The following VTI1B variants were observed in gnomAD, a reference collection of about 807,000 sequenced individuals.
The protein encoded by VTI1B is vesicle transport through interaction with t-SNAREs 1B.
In VTI1B, 18 loss-of-function variants were observed where a neutral mutation model predicts 28.6. The ratio of observed to expected loss-of-function variants is 0.63; its 90% CI spans 0.43 to 0.93. VTI1B has a LOEUF of 0.93. Ranked by LOEUF, VTI1B falls within the 40% of genes least tolerant of loss-of-function variation. The pLI is 0.00. For synonymous variants in VTI1B, 100 were observed against 107.9 expected (o/e 0.93, Z 0.46); for missense variants, 283 against 297.0 (o/e 0.95, Z 0.35).
chr14:67,659,648 T>G, intron 3 of VTI1B, 83 bp downstream of exon 3: 2 of 1,387,370 alleles, frequency 1.4e-6, no homozygotes, highest in Non-Finnish European at 1.9e-6. Context: ...ACTGATAACA[T>G]GAAATACCCC....
chr14:67,674,298 G>A (rs2037505795), intron 1 of VTI1B, 77 bp downstream of exon 1: 1 of 1,356,938 alleles, frequency 7.4e-7, no homozygotes, highest in Non-Finnish European at 9.9e-7. Context: ...GCCCGGGTCT[G>A]GGAGGAAGGT....
At chr14:67,669,331 G>A (rs2037438922) in intron 1 of VTI1B, among the ~76,000 whole-genome samples, 1 of 146,424 alleles carries the variant, frequency 6.8e-6, no homozygotes, top group South Asian at 2.2e-4. Flanking sequence ...GTGCAATGAT[G>A]TGATGACAGC....
chr14:67,651,307 G>C lies in VTI1B; in HGVS notation c.*78C>G. 5 of 1,607,870 alleles carry C rather than the reference G, an allele frequency of 3.1e-6. No individual in the cohort carries two copies. The highest frequency in any genetic ancestry group is 4.2e-6 in the Non-Finnish European group (5 of 1,176,762). ...AACTGTCAGCCCACAGCAGCAATAT[G>C]CTTATTCTATCCACATCCCTAACAT... On this transcript the variant is annotated 3_prime_UTR_variant, in exon 6 of 6. Coordinates refer to ENST00000554659, the MANE Select transcript of VTI1B (RefSeq NM_006370.3).
chr14:67,654,222 T>A (rs745566944), intron 4 of VTI1B, among the ~76,000 whole-genome samples: 3 of 152,140 alleles, frequency 2.0e-5, no homozygotes, highest in Non-Finnish European at 4.4e-5. Flanking sequence ...TAACCCCACA[T>A]GTCCCCAAGT....
At chr14:67,656,699 T>A in intron 3 of VTI1B, 110 bp from the exon 4 acceptor site, 1 of 1,225,514 alleles carries the variant, frequency 8.2e-7, no homozygotes. Flanking sequence ...AGCAATAATT[T>A]TCATTCCTTT....
At chr14:67,655,765 T>A (rs928185754) in intron 4 of VTI1B, among the ~76,000 whole-genome samples, 3 of 152,232 alleles carry the variant, frequency 2.0e-5, no homozygotes, top group African/African-American at 7.2e-5. Context: ...CCTTTTGACA[T>A]ATTATTTCTC....
intron 1 of VTI1B, among the ~76,000 whole-genome samples, chr14:67,668,915 G>A (rs955010678): frequency 3.3e-5 from 5 of 152,098 alleles, no homozygotes; most frequent in Non-Finnish European, 7.4e-5. Context: ...TATCATAAAT[G>A]TGGAAAGTGT....
intron 1 of VTI1B, 53 bp from the exon 2 acceptor site, chr14:67,662,588 A>G (rs2037351471): frequency 1.3e-6 from 2 of 1,500,774 alleles, no homozygotes; most frequent in Non-Finnish European, 1.8e-6. Flanking sequence ...ACACATTTGT[A>G]AAGGCCATTC....
chr14:67,659,713 A>C lies in VTI1B; in HGVS notation c.366+18T>G. On this transcript the variant is annotated intron_variant, in intron 3 of 5. Coordinates refer to ENST00000554659, the MANE Select transcript of VTI1B (RefSeq NM_006370.3). ...CCCTTAAAGGAAAAAAAAAACAAAC[A>C]AAACAGCTAAAACTTACCATATGCT... The C allele has an allele frequency of 1.3e-6, 2 of 1,572,372 alleles. No homozygotes were observed. The highest frequency in any genetic ancestry group is 8.6e-7 in the Non-Finnish European group (1 of 1,163,598).
Position 67,648,342 on chromosome 14 carries a change from G to A in VTI1B, c.*3043C>T, listed in dbSNP as rs2037128396. 1 of 756,314 alleles carries A rather than the reference G, an allele frequency of 1.3e-6. No individual in the cohort carries two copies. Among genetic ancestry groups the A allele is most frequent in the East Asian group, 2.8e-5 (1 of 35,716 alleles). The allele number at this position is 756,314 out of a possible 1,614,324, so 46.9% of individuals were successfully genotyped here. Reference sequence around the variant, plus strand: ...ATTATATGGCCATGCTAATAAAAAGGATATAGTCCTTTAGAGTCATGCTTG... The same window carrying A: ...ATTATATGGCCATGCTAATAAAAAGAATATAGTCCTTTAGAGTCATGCTTG... On this transcript the variant is annotated 3_prime_UTR_variant, in exon 6 of 6. Coordinates refer to ENST00000554659, the MANE Select transcript of VTI1B (RefSeq NM_006370.3).
intron 4 of VTI1B, among the ~76,000 whole-genome samples, chr14:67,655,636 C>T (rs779835796): frequency 1.3e-5 from 2 of 151,694 alleles, no homozygotes; most frequent in African/African-American, 4.9e-5. Flanking sequence ...ATCTGGAAAA[C>T]AGCCTTGGCT....
At chr14:67,661,437 C>A in intron 2 of VTI1B, among the ~76,000 whole-genome samples, 1 of 151,646 alleles carries the variant, frequency 6.6e-6, no homozygotes, top group East Asian at 1.9e-4. Context: ...AACTCCAGCT[C>A]CTATGTTGTC....
chr14:67,660,059 G>A (rs929425717), intron 2 of VTI1B, 137 bp from the exon 3 acceptor site: 2 of 894,902 alleles, frequency 2.2e-6, no homozygotes, highest in Admixed American at 3.0e-5. Flanking sequence ...CATGAGGCAG[G>A]GACCATGTCT....
rs761426854 is a variant in VTI1B, at chr14:67,674,358, GC to G, written c.115+16del. ...GCAGGGCTGCGCTCCCCACGGCGTG[GC>G]CCACCCCCGCCTCACCGGTCCCCGC... On this transcript the variant is annotated intron_variant, in intron 1 of 5. Transcript: ENST00000554659. 3.8e-6 allele frequency: 6 copies of G among 1,572,324 alleles called. No individual in the cohort carries two copies. In the African/African-American group the frequency reaches 6.9e-5, roughly 18 times the overall value.
At position 67,667,710 on chromosome 14, in the gene VTI1B, C is replaced by T. The variant is rs371953132; in HGVS notation, c.116-5175G>A. On this transcript the variant is annotated intron_variant, in intron 1 of 5. Coordinates refer to ENST00000554659, the MANE Select transcript of VTI1B (RefSeq NM_006370.3). ...CTGTAATCCCTGCACTTTGGGAGGC[C>T]GAGGCGGGCGGATCACGAGGTCAGG... Among the ~76,000 whole-genome samples, 47 of 152,144 alleles carry T rather than the reference C, an allele frequency of 3.1e-4. 1 individual carries two copies. The highest frequency in any genetic ancestry group is 1.1e-3 in the African/African-American group (45 of 41,522).
At chr14:67,656,855 G>C (rs2037265307) in intron 3 of VTI1B, among the ~76,000 whole-genome samples, 1 of 152,130 alleles carries the variant, frequency 6.6e-6, no homozygotes, top group Non-Finnish European at 1.5e-5. Flanking sequence ...AAAAATACTG[G>C]AGCACTTTCC....
chr14:67,668,159 C>T (rs992779730), intron 1 of VTI1B, among the ~76,000 whole-genome samples: 1 of 152,004 alleles, frequency 6.6e-6, no homozygotes, highest in African/African-American at 2.4e-5. Flanking sequence ...CACGTTAAGA[C>T]ATATGGAGAG....
At chr14:67,655,637 A>C (rs1461803426) in intron 4 of VTI1B, among the ~76,000 whole-genome samples, 2 of 152,182 alleles carry the variant, frequency 1.3e-5, no homozygotes, top group East Asian at 1.9e-4. Context: ...TCTGGAAAAC[A>C]GCCTTGGCTC....
chr14:67,656,576 G>A lies in VTI1B; in HGVS notation c.380C>T (p.Ser127Phe), dbSNP rs1322827880. The A allele has an allele frequency of 1.2e-6, 2 of 1,601,512 alleles. No individual in the cohort carries two copies. Among genetic ancestry groups the A allele is most frequent in the Non-Finnish European group, 1.7e-6 (2 of 1,175,284 alleles). The part of the protein sequence containing the change: ...VENEHMNRLQ[S>F]QRAMLLQGTE... ...GCCCTGCAGAAGCATTGCCCTTTGA[G>A]ACTGTAGCCGATTCTGAAAGAAGTA... The change falls in exon 4 of 6, where the codon TCT becomes TTT. Residue 127 changes from serine (S) to phenylalanine (F), a missense_variant. Ser to Phe is a radical substitution (Grantham distance 155). Transcript: ENST00000554659.
Sources: gnomAD v4.1 joint callset for allele counts (sites outside exome capture counted in the v4.1 genomes callset) on GRCh38, gnomAD v4.1.1 for gene constraint, MANE v1.5 for transcripts, NCBI Gene and HGNC (gene_info 2026-07-23, HGNC 2026-07-21) for gene names.